PCDH15: variants seen among roughly 807,000 people sequenced by gnomAD.
PCDH15 encodes the protein protocadherin related 15, also known as protocadherin-15.
A neutral mutation model predicts 178.5 loss-of-function variants in PCDH15; 129 were observed. The observed-to-expected ratio is 0.72, with a 90% CI of 0.63 to 0.84. PCDH15 has a LOEUF of 0.84. Among genes scored for constraint, PCDH15 ranks in the 40% least tolerant of loss-of-function variants. PCDH15 has a pLI of 0.00. For synonymous variants in PCDH15, 800 were observed against 732.0 expected (o/e 1.09, Z -1.50); for missense variants, 2,230 against 2,099.9 (o/e 1.06, Z -1.21).
chr10:55,453,604 T>G (rs945758537), intron 2 of PCDH15, among the ~76,000 whole-genome samples: 5 of 151,656 alleles, frequency 3.3e-5, no homozygotes, highest in African/African-American at 7.3e-5. Flanking sequence ...TTTCGGGGGG[T>G]CAACTAGATT....
chr10:54,541,117 T>C (rs61853604), intron 2 of PCDH15, among the ~76,000 whole-genome samples: 13,239 of 152,074 alleles, frequency 0.087, 637 homozygotes, highest in Non-Finnish European at 0.11. Context: ...GATACCATTC[T>C]CCATTCTCAC....
Position 54,664,236 on chromosome 10 carries a change from T to C in PCDH15, c.27A>G (p.Thr9=), listed in dbSNP as rs1178626838. 6.2e-7 allele frequency: 1 copy of C among 1,611,956 alleles called. No individual in the cohort carries two copies. The change falls in exon 2 of 38, where the codon ACA becomes ACG. Residue 9 remains threonine (T), a synonymous_variant. Transcript: ENST00000644397. MFRQFYLW[T]CLASGIILGS... is the part of the protein sequence containing the mutation. ...CCAGGATGATCCCTGAAGCTAAACA[T>C]GTCCAGAGATAAAACTGTCGAAACA...
chr10:55,291,685 A>C (rs1477679194), intron 1 of PCDH15, among the ~76,000 whole-genome samples: 2 of 152,214 alleles, frequency 1.3e-5, no homozygotes, highest in Non-Finnish European at 2.9e-5. Context: ...GGGAAAAAGA[A>C]CATAAGCTTG....
intron 2 of PCDH15, among the ~76,000 whole-genome samples, chr10:54,969,737 T>C (rs1355447796): frequency 6.6e-6 from 1 of 152,190 alleles, no homozygotes; most frequent in Non-Finnish European, 1.5e-5. Context: ...CAGGCTATAA[T>C]CCAGCATAAT....
intron 2 of PCDH15, among the ~76,000 whole-genome samples, chr10:55,397,231 A>G (rs1837951411): frequency 6.6e-6 from 1 of 152,194 alleles, no homozygotes; most frequent in South Asian, 2.1e-4. Context: ...ACAATTGAAT[A>G]ATCAGCCTCT....
At chr10:54,113,491 T>C (rs2095060587) in intron 15 of PCDH15, among the ~76,000 whole-genome samples, 1 of 152,096 alleles carries the variant, frequency 6.6e-6, no homozygotes, top group Non-Finnish European at 1.5e-5. Flanking sequence ...TGTGAAGAAA[T>C]GTGGCTTGAG....
chr10:53,806,690 A>ACTGT lies in PCDH15; in HGVS notation c.5108_5111dup (p.Ser1704ArgfsTer3), dbSNP rs1554814669. ...ATTCCAAAGCCTCCTTGATGTTCTT[A>ACTGT]CTGTCAATCATGGACTCCTGTTCAA... On this transcript the variant is annotated frameshift_variant, in exon 38 of 38. Transcript: ENST00000644397. LOFTEE classifies it high-confidence loss of function. 6.2e-7 allele frequency: 1 copy of ACTGT among 1,613,720 alleles called. No individual in the cohort carries two copies. Among genetic ancestry groups the ACTGT allele is most frequent in the Non-Finnish European group, 8.5e-7 (1 of 1,179,704 alleles).
chr10:54,519,846 T>C lies in PCDH15; in HGVS notation c.157+7966A>G, dbSNP rs561654740. Among the ~76,000 whole-genome samples the C allele has an allele frequency of 5.8e-4, 88 of 152,266 alleles. 1 individual carries two copies. The highest frequency in any genetic ancestry group is 6.8e-3 in the Middle Eastern group (2 of 294). Reference sequence around the variant, plus strand: ...GGCTACAGTAACCAAAACAGCATAGTACTGGTACCAAAACAGAGATATAGA... The same window carrying C: ...GGCTACAGTAACCAAAACAGCATAGCACTGGTACCAAAACAGAGATATAGA... On this transcript the variant is annotated intron_variant, in intron 3 of 37. Coordinates refer to ENST00000644397, the MANE Select transcript of PCDH15 (RefSeq NM_001384140.1).
At chr10:54,179,591 A>T (rs969092219) in intron 13 of PCDH15, among the ~76,000 whole-genome samples, 3 of 152,130 alleles carry the variant, frequency 2.0e-5, no homozygotes, top group Admixed American at 6.6e-5. Flanking sequence ...AAAATTTAAA[A>T]AAAAAGAAGT....
chr10:54,344,904 C>CAAAAAAAAA (rs57295345), intron 6 of PCDH15, among the ~76,000 whole-genome samples: 9 of 78,886 alleles, frequency 1.1e-4, no homozygotes, highest in South Asian at 4.9e-4. Context: ...AGAAACAAAG[C>CAAAAAAAAA]AAAAAAAAAA....
intron 18 of PCDH15, among the ~76,000 whole-genome samples, chr10:54,024,017 C>T (rs2093008813): frequency 6.6e-6 from 1 of 152,086 alleles, no homozygotes; most frequent in African/African-American, 2.4e-5. Flanking sequence ...GTGCAAGGGA[C>T]TCTTTTTCAA....
intron 2 of PCDH15, among the ~76,000 whole-genome samples, chr10:55,132,524 T>C (rs1050935285): frequency 1.3e-5 from 2 of 152,210 alleles, no homozygotes; most frequent in African/African-American, 2.4e-5. Flanking sequence ...AAACTATTTA[T>C]ATGTTCCTAG....
chr10:54,171,515 A>G (rs1194341938), intron 13 of PCDH15, among the ~76,000 whole-genome samples: 1 of 150,552 alleles, frequency 6.6e-6, no homozygotes, highest in African/African-American at 2.5e-5. Context: ...CTGTCTAGTC[A>G]TACTCCTATT....
intron 21 of PCDH15, among the ~76,000 whole-genome samples, chr10:53,979,440 G>A: frequency 6.6e-6 from 1 of 152,164 alleles, no homozygotes; most frequent in Non-Finnish European, 1.5e-5. Flanking sequence ...GGGAACTACG[G>A]TTCAAGATGA....
chr10:55,603,114 A>G (rs1271253770), intron 2 of PCDH15, among the ~76,000 whole-genome samples: 23 of 152,294 alleles, frequency 1.5e-4, no homozygotes, highest in East Asian at 3.9e-4. Flanking sequence ...GAGCCGAAGC[A>G]ATCAACTGGA....
intron 2 of PCDH15, among the ~76,000 whole-genome samples, chr10:55,430,713 T>G (rs570125375): frequency 6.6e-6 from 1 of 152,320 alleles, no homozygotes; most frequent in African/African-American, 2.4e-5. Flanking sequence ...AATATTAAGA[T>G]ACTTAGAATT....
chr10:54,866,594 C>A (rs1953946332), intron 3 of PCDH15, among the ~76,000 whole-genome samples: 1 of 152,114 alleles, frequency 6.6e-6, no homozygotes, highest in Non-Finnish European at 1.5e-5. Flanking sequence ...CTCATGAGTT[C>A]TCAATTTTGT....
At chr10:54,794,131 A>ATATATATCT (rs1474580805) in intron 1 of PCDH15, among the ~76,000 whole-genome samples, 1 of 146,658 alleles carries the variant, frequency 6.8e-6, no homozygotes, top group East Asian at 2.0e-4. Flanking sequence ...TATAAGATAT[A>ATATATATCT]TATATATCTT....
At chr10:54,435,102 G>A (rs2075296558) in intron 3 of PCDH15, among the ~76,000 whole-genome samples, 1 of 152,032 alleles carries the variant, frequency 6.6e-6, no homozygotes, top group Admixed American at 6.6e-5. Flanking sequence ...ACTGATTTCA[G>A]AATTACAATC....
Sources: allele counts gnomAD v4.1 joint callset (sites outside exome capture counted in the v4.1 genomes callset), GRCh38; gene constraint gnomAD v4.1.1; transcripts MANE v1.5; gene names NCBI Gene and HGNC (gene_info 2026-07-23, HGNC 2026-07-21).